LMBRD1: variants seen among roughly 807,000 people sequenced by gnomAD.
The protein encoded by LMBRD1 is LMBR1 domain containing 1.
Under a neutral mutation model 74.8 loss-of-function variants are expected in LMBRD1, and 64 were observed. The ratio of observed to expected loss-of-function variants is 0.86; its 90% CI spans 0.70 to 1.05. LMBRD1 has a LOEUF of 1.05. LMBRD1 is among the 50% of genes least tolerant of loss of function. The probability of loss-of-function intolerance (pLI) is 0.00; values close to 1 mark genes in which losing one functional copy is unlikely to be tolerated. For synonymous variants in LMBRD1, 204 were observed against 216.3 expected, an observed-to-expected ratio of 0.94 and a Z score of 0.50; for missense variants, 652 against 645.9, an observed-to-expected ratio of 1.01 and a Z score of -0.10.
intron 9 of LMBRD1, among the ~76,000 whole-genome samples, chr6:69,706,712 A>G (rs543124440): frequency 2.6e-5 from 4 of 152,192 alleles, no homozygotes; most frequent in Admixed American, 2.6e-4. Flanking sequence ...TTCAATCTCT[A>G]CCTTCTGGAA....
chr6:69,694,057 A>C (rs879931856), intron 14 of LMBRD1, among the ~76,000 whole-genome samples: 14 of 152,108 alleles, frequency 9.2e-5, no homozygotes, highest in Non-Finnish European at 1.6e-4. Context: ...ATCATTTTTA[A>C]CTACTATAAA....
At chr6:69,773,884 T>C (rs1765628407) in intron 3 of LMBRD1, among the ~76,000 whole-genome samples, 1 of 152,226 alleles carries the variant, frequency 6.6e-6, no homozygotes, top group South Asian at 2.1e-4. Context: ...AGAGTACTGT[T>C]GCCTGCATCA....
At chr6:69,744,986 G>A (rs879447602) in intron 5 of LMBRD1, among the ~76,000 whole-genome samples, 4 of 151,806 alleles carry the variant, frequency 2.6e-5, no homozygotes, top group Non-Finnish European at 5.9e-5. Flanking sequence ...AGGATTACAG[G>A]CGCGCACCAC....
intron 7 of LMBRD1, among the ~76,000 whole-genome samples, chr6:69,730,563 C>T (rs373568402): frequency 4.6e-5 from 7 of 152,056 alleles, no homozygotes; most frequent in African/African-American, 9.7e-5. Flanking sequence ...ACATAGTTGT[C>T]GCTACATGCA....
At chr6:69,769,463 T>C (rs996260370) in intron 3 of LMBRD1, among the ~76,000 whole-genome samples, 1 of 152,212 alleles carries the variant, frequency 6.6e-6, no homozygotes, top group African/African-American at 2.4e-5. Context: ...TTTGAAGTCT[T>C]TGTCTGCTAA....
In LMBRD1 at chr6:69,674,630, A is replaced by C. The variant is rs372193956; in HGVS notation, c.*1528T>G. On this transcript the variant is annotated 3_prime_UTR_variant, in exon 16 of 16. Coordinates refer to ENST00000649934, the MANE Select transcript of LMBRD1 (RefSeq NM_018368.4). Reference sequence around the variant, plus strand: ...GATAACTCAAAGTTCAGAGCTTAAGAACAAGTAGTATAGATAGAAGCCAAG... The same window carrying C: ...GATAACTCAAAGTTCAGAGCTTAAGCACAAGTAGTATAGATAGAAGCCAAG... 9.8e-5 allele frequency among the ~76,000 whole-genome samples: 15 copies of C among 152,362 alleles called. No homozygotes were observed. The East Asian group carries it at 2.9e-3, about 29-fold the overall frequency.
intron 7 of LMBRD1, among the ~76,000 whole-genome samples, chr6:69,724,848 T>C (rs889573786): frequency 1.2e-4 from 18 of 151,798 alleles, no homozygotes; most frequent in African/African-American, 4.1e-4. Flanking sequence ...CTATTCAACA[T>C]GAAAGTCCTA....
chr6:69,777,637 C>G (rs1765732944), intron 3 of LMBRD1, among the ~76,000 whole-genome samples: 1 of 151,176 alleles, frequency 6.6e-6, no homozygotes, highest in Non-Finnish European at 1.5e-5. Flanking sequence ...TGATCTTCAA[C>G]ATCTCTCCAC....
At chr6:69,721,061 C>T (rs758297932) in intron 7 of LMBRD1, among the ~76,000 whole-genome samples, 10 of 152,196 alleles carry the variant, frequency 6.6e-5, no homozygotes, top group Non-Finnish European at 1.5e-4. Flanking sequence ...CAACACCAGC[C>T]AGAGGGGAAT....
chr6:69,786,199 A>AT (rs1319736890), intron 2 of LMBRD1, among the ~76,000 whole-genome samples: 1 of 152,200 alleles, frequency 6.6e-6, no homozygotes, highest in African/African-American at 2.4e-5. Flanking sequence ...CACATACTAT[A>AT]TATTTAGTAA....
At chr6:69,682,456 A>C (rs1765683593) in intron 14 of LMBRD1, among the ~76,000 whole-genome samples, 1 of 151,988 alleles carries the variant, frequency 6.6e-6, no homozygotes, top group Non-Finnish European at 1.5e-5. Flanking sequence ...AGTTTAAAGC[A>C]TTTCCAAGGT....
chr6:69,776,879 G>A (rs1370568466), intron 3 of LMBRD1, among the ~76,000 whole-genome samples: 1 of 152,184 alleles, frequency 6.6e-6, no homozygotes, highest in African/African-American at 2.4e-5. Flanking sequence ...CAGTGGGCAG[G>A]TGCAGTGGCT....
At chr6:69,779,668 C>A (rs143408594) in intron 3 of LMBRD1, among the ~76,000 whole-genome samples, 1,572 of 152,202 alleles carry the variant, frequency 0.01, 13 homozygotes, top group Non-Finnish European at 0.017. Context: ...TTTAAAGTAA[C>A]TTGACTGAAC....
chr6:69,719,154 T>C (rs1158577820), intron 7 of LMBRD1, 73 bp from the exon 8 acceptor site: 3 of 1,462,310 alleles, frequency 2.1e-6, no homozygotes, highest in Non-Finnish European at 1.9e-6. Flanking sequence ...AGGTTAAAAA[T>C]GTCTTTTAAA....
At chr6:69,776,904 C>T (rs1434782194) in intron 3 of LMBRD1, among the ~76,000 whole-genome samples, 1 of 152,134 alleles carries the variant, frequency 6.6e-6, no homozygotes, top group Non-Finnish European at 1.5e-5. Flanking sequence ...TCTGTAATCC[C>T]AGCACTTTGA....
At chr6:69,682,395 C>T (rs1435523442) in intron 14 of LMBRD1, among the ~76,000 whole-genome samples, 1 of 151,774 alleles carries the variant, frequency 6.6e-6, no homozygotes, top group Non-Finnish European at 1.5e-5. Flanking sequence ...TCAGAGTAAC[C>T]ATTTTTAAGA....
intron 3 of LMBRD1, among the ~76,000 whole-genome samples, chr6:69,768,478 A>C (rs1765515033): frequency 6.6e-6 from 1 of 151,978 alleles, no homozygotes; most frequent in South Asian, 2.1e-4. Context: ...AACTTGCTCC[A>C]AAATAGCTCT....
intron 6 of LMBRD1, among the ~76,000 whole-genome samples, chr6:69,738,798 A>AT (rs1379578687): frequency 1.3e-5 from 2 of 152,142 alleles, no homozygotes; most frequent in Non-Finnish European, 2.9e-5. Flanking sequence ...TACAGGTCCT[A>AT]TTAGGCCTGT....
intron 14 of LMBRD1, among the ~76,000 whole-genome samples, chr6:69,686,469 GA>G (rs1445855064): frequency 2.0e-5 from 3 of 151,480 alleles, no homozygotes; most frequent in Non-Finnish European, 4.4e-5. Context: ...AGGCCCAAAG[GA>G]AAAAAGAAAT....
Sources: allele counts gnomAD v4.1 joint callset (sites outside exome capture counted in the v4.1 genomes callset), GRCh38; gene constraint gnomAD v4.1.1; transcripts MANE v1.5; gene names NCBI Gene and HGNC (gene_info 2026-07-23, HGNC 2026-07-21).